ADAT2: variants seen among roughly 807,000 people sequenced by gnomAD.
ADAT2 encodes tRNA-specific adenosine-34 deaminase catalytic subunit ADAT2.
A neutral mutation model predicts 25.9 loss-of-function variants in ADAT2; 26 were observed. The observed-to-expected ratio is 1.00, with a 90% confidence interval of 0.74 to 1.39. The LOEUF (loss-of-function observed/expected upper bound fraction) is 1.39. Among genes scored for constraint, ADAT2 ranks in the 40% most tolerant of loss-of-function variants. The pLI, the probability that ADAT2 is intolerant of heterozygous loss-of-function variation, is 0.00. For synonymous variants in ADAT2, 76 were observed against 86.8 expected, an observed-to-expected ratio of 0.88 and a Z score of 0.69; for missense variants, 220 against 244.8, an observed-to-expected ratio of 0.90 and a Z score of 0.68.
At position 143,432,537 on chromosome 6, in the gene ADAT2, C is replaced by G; in HGVS notation, c.427G>C (p.Ala143Pro). The G allele has an allele frequency of 6.2e-7, 1 of 1,614,180 alleles. No individual in the cohort carries two copies. Among genetic ancestry groups the G allele is most frequent in the Non-Finnish European group, 8.5e-7 (1 of 1,180,032 alleles). ...GGTCTCCCAGTGTTTGGTAGGTCAG[C>G]AGAGGCAATATTTAGAACAGAGCCA... Reference protein sequence around the residue: ...GCGSVLNIASADLPNTGRPFQ... With the variant: ...GCGSVLNIASPDLPNTGRPFQ... The change falls in exon 4 of 6, where the codon GCT becomes CCT. Residue 143 changes from alanine to proline, a missense_variant. Coordinates refer to ENST00000237283, the MANE Select transcript of ADAT2 (RefSeq NM_182503.3). The surrounding 1 kb of genome is among the most constrained non-coding windows in gnomAD (Gnocchi z 4.4).
In ADAT2 at chr6:143,444,019, T is replaced by C. The variant is rs1345821891; in HGVS notation, c.97-5325A>G. ...ACGTGAGTGGGATGGGAGATGAGATTCCATGTTGCCTGCAAGTTCTGTCTT... is the reference window on the plus strand; with the variant it reads ...ACGTGAGTGGGATGGGAGATGAGATCCCATGTTGCCTGCAAGTTCTGTCTT... On this transcript the variant is annotated intron_variant, in intron 1 of 5. Transcript: ENST00000237283. The surrounding 1 kb of genome is among the most constrained non-coding windows in gnomAD (Gnocchi z 4.3). 1.3e-5 allele frequency among the ~76,000 whole-genome samples: 2 copies of C among 151,992 alleles called. No individual in the cohort carries two copies. The highest frequency in any genetic ancestry group is 2.4e-5 in the African/African-American group (1 of 41,380).
intron 2 of ADAT2, among the ~76,000 whole-genome samples, chr6:143,435,157 T>TTAA (rs59627912): frequency 0.052 from 6,399 of 121,962 alleles, 500 homozygotes; most frequent in African/African-American, 0.18. Flanking sequence ...GTGGAGAGTT[T>TTAA]AAAAAAAAAA....
At chr6:143,450,454 T>G in intron 1 of ADAT2, 109 bp downstream of exon 1, 1 of 1,186,836 alleles carries the variant, frequency 8.4e-7, no homozygotes, top group Admixed American at 1.8e-5. Flanking sequence ...AACATCTGAC[T>G]GCCATAAAAA....
chr6:143,438,792 A>C, intron 1 of ADAT2, 98 bp from the exon 2 acceptor site: 1 of 983,286 alleles, frequency 1.0e-6, no homozygotes. Flanking sequence ...CACATGTACA[A>C]AGACTGAAAC....
chr6:143,424,916 A>T lies in ADAT2; in HGVS notation c.*3547T>A, dbSNP rs1778885547. Reference sequence around the variant, plus strand: ...TCCCACAGACTGCTTATTCATTGCAACAGAGAAAAAAGGTAACTATATAGT... The same window carrying T: ...TCCCACAGACTGCTTATTCATTGCATCAGAGAAAAAAGGTAACTATATAGT... On this transcript the variant is annotated 3_prime_UTR_variant, in exon 6 of 6. Coordinates refer to ENST00000237283, the MANE Select transcript of ADAT2 (RefSeq NM_182503.3). This position sits in a 1 kb window ranked among gnomAD's most constrained non-coding sequence, Gnocchi z 4.8. The T allele has an allele frequency of 6.6e-6, 1 of 152,310 alleles. No homozygotes were observed. 9.4% of individuals were successfully genotyped at this position (152,310 alleles called of 1,614,324 possible).
In ADAT2 at chr6:143,428,195, T is replaced by C; in HGVS notation, c.*268A>G. On this transcript the variant is annotated 3_prime_UTR_variant, in exon 6 of 6. Coordinates refer to ENST00000237283, the MANE Select transcript of ADAT2 (RefSeq NM_182503.3). This position sits in a 1 kb window ranked among gnomAD's most constrained non-coding sequence, Gnocchi z 5.0. Reference sequence around the variant, plus strand: ...CACTTGTGGCTAGAAGGGTATGCACTACTTGCTAATTTCTAAAACCTCAAA... The same window carrying C: ...CACTTGTGGCTAGAAGGGTATGCACCACTTGCTAATTTCTAAAACCTCAAA... 1 of 505,230 alleles carries C rather than the reference T, an allele frequency of 2.0e-6. No homozygotes were observed. The highest frequency in any genetic ancestry group is 3.5e-6 in the Non-Finnish European group (1 of 283,700). 31.3% of individuals were successfully genotyped at this position (505,230 alleles called of 1,614,324 possible). A position where few individuals can be genotyped will look rare whatever the true frequency, so the allele number is the denominator to read the frequency against.
intron 1 of ADAT2, among the ~76,000 whole-genome samples, chr6:143,443,440 T>TA (rs1231164735): frequency 1.3e-5 from 2 of 151,452 alleles, no homozygotes; most frequent in African/African-American, 4.9e-5. Context: ...ATTTTAAGGA[T>TA]AAAAAAAATG....
chr6:143,449,762 A>C (rs1779705624), intron 1 of ADAT2: 1 of 152,212 alleles, frequency 6.6e-6, no homozygotes, highest in Admixed American at 6.5e-5. Flanking sequence ...TCAACCTAAA[A>C]GGTAGCGAAA....
In ADAT2 at chr6:143,432,558, A is replaced by G. The variant is rs745389133; in HGVS notation, c.406T>C (p.Ser136Pro). The change falls in exon 4 of 6, where the codon TCT (serine) becomes CCT (proline). Residue 136 changes from serine to proline, a missense_variant. Transcript: ENST00000237283. The surrounding 1 kb of genome is among the most constrained non-coding windows in gnomAD (Gnocchi z 4.4). The stretch of plus-strand genomic sequence containing the variant: ...TCAGCAGAGGCAATATTTAGAACAG[A>G]GCCACAACCACCAAATCGTTCATTC... The part of the protein sequence containing the change: ...CQNERFGGCG[S>P]VLNIASADLP... 2 of 1,614,232 alleles carry G rather than the reference A, an allele frequency of 1.2e-6. No homozygotes were observed. Among genetic ancestry groups the G allele is most frequent in the Non-Finnish European group, 1.7e-6 (2 of 1,180,030 alleles).
chr6:143,425,929 C>T lies in ADAT2; in HGVS notation c.*2534G>A, dbSNP rs1172252672. ...GGTTGTGCCAAGTAACAAGAAAGCA[C>T]AAAGATATTTTAACATGATCTTTTA... On this transcript the variant is annotated 3_prime_UTR_variant, in exon 6 of 6. Coordinates refer to ENST00000237283, the MANE Select transcript of ADAT2 (RefSeq NM_182503.3). The T allele has an allele frequency of 1.3e-5, 2 of 152,546 alleles. No homozygotes were observed. Among genetic ancestry groups the T allele is most frequent in the African/African-American group, 4.8e-5 (2 of 41,392 alleles). The allele number at this position is 152,546 out of a possible 1,614,324, so 9.4% of individuals were successfully genotyped here.
In ADAT2 at chr6:143,432,512, G is replaced by T; in HGVS notation, c.452C>A (p.Pro151Gln). ...ASADLPNTGR[P>Q]FQCIPGYRAE... Reference sequence around the variant, plus strand: ...ATAAGCAGTTTGTATTACCTGAAATGGTCTCCCAGTGTTTGGTAGGTCAGC... The same window carrying T: ...ATAAGCAGTTTGTATTACCTGAAATTGTCTCCCAGTGTTTGGTAGGTCAGC... The change falls in exon 4 of 6, where the codon CCA (proline) becomes CAA (glutamine). Residue 151 changes from proline to glutamine, a missense_variant. Transcript: ENST00000237283. The surrounding 1 kb of genome is among the most constrained non-coding windows in gnomAD (Gnocchi z 4.4). The T allele has an allele frequency of 6.2e-7, 1 of 1,613,652 alleles. No individual in the cohort carries two copies. Among genetic ancestry groups the T allele is most frequent in the Non-Finnish European group, 8.5e-7 (1 of 1,179,534 alleles).
rs376274106 is a variant in ADAT2, at chr6:143,424,474, G to A, written c.*3989C>T. On this transcript the variant is annotated 3_prime_UTR_variant, in exon 6 of 6. Transcript: ENST00000237283. The surrounding 1 kb of genome is among the most constrained non-coding windows in gnomAD (Gnocchi z 4.8). ...TGCTTACAACATTTTAAGTCTAGAT[G>A]TCTCTATGGAAACCCAAGATAACTC... is the stretch of plus-strand genomic sequence containing the variant. The A allele has an allele frequency of 6.6e-6, 1 of 152,116 alleles. No homozygotes were observed. Among genetic ancestry groups the A allele is most frequent in the East Asian group, 1.9e-4 (1 of 5,200 alleles). The allele number at this position is 152,116 out of a possible 1,614,324, so 9.4% of individuals were successfully genotyped here.
chr6:143,434,598 C>T lies in ADAT2; in HGVS notation c.202-617G>A, dbSNP rs4895612. Among the ~76,000 whole-genome samples, 80,347 of 151,988 alleles carry T rather than the reference C, an allele frequency of 0.53. 21,671 individuals carry two copies. The highest frequency in any genetic ancestry group is 0.57 in the African/African-American group (23,651 of 41,450). On this transcript the variant is annotated intron_variant, in intron 2 of 5. Transcript: ENST00000237283. This position sits in a 1 kb window ranked among gnomAD's most constrained non-coding sequence, Gnocchi z 4.5. The stretch of plus-strand genomic sequence containing the variant: ...ATTTGAATTTTGACAGTGACATTAC[C>T]AATTATGTGGACTTACGCAAGTAAC...
intron 1 of ADAT2, among the ~76,000 whole-genome samples, chr6:143,449,014 C>T (rs1180551739): frequency 6.6e-6 from 1 of 151,926 alleles, no homozygotes; most frequent in Non-Finnish European, 1.5e-5. Flanking sequence ...ATATATGTCG[C>T]AAATATTTTC....
chr6:143,443,625 G>A (rs1275306229), intron 1 of ADAT2, among the ~76,000 whole-genome samples: 1 of 152,090 alleles, frequency 6.6e-6, no homozygotes, highest in Non-Finnish European at 1.5e-5. Context: ...TAGGTCAGGA[G>A]TTTGAGACCA....
chr6:143,446,159 T>C lies in ADAT2; in HGVS notation c.96+4404A>G, dbSNP rs1219082575. The stretch of plus-strand genomic sequence containing the variant: ...TCTGAAGCAACGGGGGTTTTTTCTG[T>C]TTTTTCCTATGCCCTGCATACACAT... On this transcript the variant is annotated intron_variant, in intron 1 of 5. Coordinates refer to ENST00000237283, the MANE Select transcript of ADAT2 (RefSeq NM_182503.3). The surrounding 1 kb of genome is among the most constrained non-coding windows in gnomAD (Gnocchi z 5.0). 6.6e-6 allele frequency among the ~76,000 whole-genome samples: 1 copy of C among 151,854 alleles called. No individual in the cohort carries two copies. The highest frequency in any genetic ancestry group is 1.5e-5 in the Non-Finnish European group (1 of 67,962).
rs1225443146 is a variant in ADAT2 at position 143,432,263 on chromosome 6, C to T, written c.459+242G>A. ...GGTGAAGAGTGTTCGGAGTCAGCTG[C>T]GAAGGGTGGACTCTCCTTCAGGAGG... On this transcript the variant is annotated intron_variant, in intron 4 of 5. Coordinates refer to ENST00000237283, the MANE Select transcript of ADAT2 (RefSeq NM_182503.3). This position sits in a 1 kb window ranked among gnomAD's most constrained non-coding sequence, Gnocchi z 4.4. Among the ~76,000 whole-genome samples, 1 of 151,980 alleles carries T rather than the reference C, an allele frequency of 6.6e-6. No homozygotes were observed. The highest frequency in any genetic ancestry group is 6.6e-5 in the Admixed American group (1 of 15,266).
At chr6:143,433,157 T>C (rs977127440) in intron 3 of ADAT2, among the ~76,000 whole-genome samples, 5 of 152,198 alleles carry the variant, frequency 3.3e-5, no homozygotes, top group Admixed American at 6.5e-5. Context: ...TTTAAAGTGT[T>C]AAAATTATCC....
At position 143,434,500 on chromosome 6, in the gene ADAT2, G is replaced by C. The variant is rs1457973561; in HGVS notation, c.202-519C>G. ...TCTAGAGAAGTAGAGATTTGGTATT[G>C]GTTTCAGACACTTCATGGGAAGCAG... On this transcript the variant is annotated intron_variant, in intron 2 of 5. Transcript: ENST00000237283. The surrounding 1 kb of genome is among the most constrained non-coding windows in gnomAD (Gnocchi z 4.5). 1.3e-5 allele frequency among the ~76,000 whole-genome samples: 2 copies of C among 152,152 alleles called. No homozygotes were observed. The highest frequency in any genetic ancestry group is 2.9e-5 in the Non-Finnish European group (2 of 68,024).
Sources: gnomAD v4.1 joint callset for allele counts (sites outside exome capture counted in the v4.1 genomes callset) on GRCh38, gnomAD v4.1.1 for gene constraint, Gnocchi (gnomAD v3.1) non-coding constraint, MANE v1.5 for transcripts, NCBI Gene and HGNC (gene_info 2026-07-23, HGNC 2026-07-21) for gene names.